HSD17B13: variants seen among roughly 807,000 people sequenced by gnomAD.
HSD17B13 encodes hydroxysteroid 17-beta dehydrogenase 13, also known as 17-beta-hydroxysteroid dehydrogenase 13.
A neutral mutation model predicts 31.1 loss-of-function variants in HSD17B13; 26 were observed. That is an observed-to-expected ratio of 0.84 (90% CI 0.61 to 1.16). The LOEUF (loss-of-function observed/expected upper bound fraction) is 1.16. HSD17B13 is among the 50% of genes most tolerant of loss of function. The pLI, the probability that HSD17B13 is intolerant of heterozygous loss-of-function variation, is 0.00. For missense variants in HSD17B13, 374 were observed against 366.5 expected (o/e 1.02, Z -0.17); for synonymous variants, 141 against 133.7 (o/e 1.05, Z -0.38).
Position 87,303,814 on chromosome 4 carries a change from T to G in HSD17B13, c.*1404A>C, listed in dbSNP as rs1414842279. 2 of 152,166 alleles carry G rather than the reference T, an allele frequency of 1.3e-5. No homozygotes were observed. Among genetic ancestry groups the G allele is most frequent in the Non-Finnish European group, 2.9e-5 (2 of 68,026 alleles). The allele number at this position is 152,166 out of a possible 1,614,324, so 9.4% of individuals were successfully genotyped here. ...CAGAGTTTAGAAGTCAAACGTTTTA[T>G]TTTATAACTACAAGAGGTTATTTTT... is the stretch of plus-strand genomic sequence containing the variant. On this transcript the variant is annotated 3_prime_UTR_variant, in exon 7 of 7. Transcript: ENST00000328546.
intron 6 of HSD17B13, among the ~76,000 whole-genome samples, chr4:87,307,715 G>A (rs950013473): frequency 1.3e-5 from 2 of 152,046 alleles, no homozygotes; most frequent in Admixed American, 1.3e-4. Context: ...TGGCCAGGCT[G>A]GTCTCGAATG....
chr4:87,310,568 C>T (rs1734508829), intron 5 of HSD17B13, among the ~76,000 whole-genome samples: 2 of 152,082 alleles, frequency 1.3e-5, no homozygotes, highest in Admixed American at 1.3e-4. Flanking sequence ...CTTTCATATC[C>T]AGTAGGTGTG....
Position 87,304,909 on chromosome 4 carries a change from G to C in HSD17B13, c.*309C>G, listed in dbSNP as rs1318194221. On this transcript the variant is annotated 3_prime_UTR_variant, in exon 7 of 7. Coordinates refer to ENST00000328546, the MANE Select transcript of HSD17B13 (RefSeq NM_178135.5). ...AGTTCTCTTTGTATTTACTTTTAGG[G>C]AGGTAGCTTTTGTCCACCTTTAAAT... 5.0e-6 allele frequency: 1 copy of C among 198,130 alleles called. No individual in the cohort carries two copies. The highest frequency in any genetic ancestry group is 2.3e-5 in the African/African-American group (1 of 43,052). The allele number at this position is 198,130 out of a possible 1,614,324, so 12.3% of individuals were successfully genotyped here.
At chr4:87,306,956 A>G (rs1024073265) in intron 6 of HSD17B13, among the ~76,000 whole-genome samples, 1 of 149,584 alleles carries the variant, frequency 6.7e-6, no homozygotes. Flanking sequence ...TGTGAATGTA[A>G]AGAGGCAGAA....
chr4:87,320,386 T>TG (rs1553956614), intron 1 of HSD17B13, among the ~76,000 whole-genome samples: 10 of 126,092 alleles, frequency 7.9e-5, no homozygotes, highest in Non-Finnish European at 1.4e-4. Context: ...TCTTCAGTTT[T>TG]TTTTTTTTTT....
At chr4:87,314,619 G>GTT (rs1179458734) in intron 4 of HSD17B13, among the ~76,000 whole-genome samples, 1 of 145,234 alleles carries the variant, frequency 6.9e-6, no homozygotes, top group African/African-American at 2.7e-5. Flanking sequence ...AGGTAGAGTC[G>GTT]TTTTCTCTCT....
chr4:87,320,382 G>GTTTTTTTTTTTTTTTTTTT (rs66590696), intron 1 of HSD17B13, among the ~76,000 whole-genome samples: 2 of 101,380 alleles, frequency 2.0e-5, no homozygotes, highest in Non-Finnish European at 3.8e-5. Flanking sequence ...TTATTCTTCA[G>GTTTTTTTTTTTTTTTTTTT]TTTTTTTTTT....
Position 87,307,993 on chromosome 4 carries a change from A to T in HSD17B13, c.812+2250T>A, listed in dbSNP as rs74683212. 5.0e-3 allele frequency among the ~76,000 whole-genome samples: 765 copies of T among 152,298 alleles called. 3 individuals carry two copies. The highest frequency in any genetic ancestry group is 0.023 in the East Asian group (118 of 5,190). On this transcript the variant is annotated intron_variant, in intron 6 of 6. Transcript: ENST00000328546. ...GTTTCAAAAAGGCCCAAGGCTTATG[A>T]AGTTAGTATAGTTATCTTCTCACTG...
rs1248001416 is a variant in HSD17B13 at position 87,304,901 on chromosome 4, CT to C, written c.*316del. 5.3e-6 allele frequency: 1 copy of C among 188,678 alleles called. No individual in the cohort carries two copies. Among genetic ancestry groups the C allele is most frequent in the African/African-American group, 2.3e-5 (1 of 42,656 alleles). The allele number at this position is 188,678 out of a possible 1,614,324, so 11.7% of individuals were successfully genotyped here. ...TGTAAATAAGTTCTCTTTGTATTTACTTTTAGGGAGGTAGCTTTTGTCCACC... is the reference window on the plus strand; with the variant it reads ...TGTAAATAAGTTCTCTTTGTATTTACTTTAGGGAGGTAGCTTTTGTCCACC... On this transcript the variant is annotated 3_prime_UTR_variant, in exon 7 of 7. Transcript: ENST00000328546.
intron 1 of HSD17B13, among the ~76,000 whole-genome samples, chr4:87,319,176 C>T (rs1036044497): frequency 3.3e-5 from 5 of 152,010 alleles, no homozygotes; most frequent in Admixed American, 6.5e-5. Flanking sequence ...AGTGGGACTT[C>T]GTCTCAAAAT....
At chr4:87,311,364 T>C (rs797013835) in intron 5 of HSD17B13, among the ~76,000 whole-genome samples, 108 of 152,300 alleles carry the variant, frequency 7.1e-4, no homozygotes, top group African/African-American at 2.5e-3. Flanking sequence ...CACTGTGGCC[T>C]TGCCCCGAAT....
chr4:87,321,089 A>T (rs1009604061), intron 1 of HSD17B13, among the ~76,000 whole-genome samples: 5 of 152,142 alleles, frequency 3.3e-5, no homozygotes, highest in Non-Finnish European at 7.4e-5. Flanking sequence ...GAGTGCAATG[A>T]TGCCATCATA....
At chr4:87,321,085 A>G (rs1230137322) in intron 1 of HSD17B13, among the ~76,000 whole-genome samples, 1 of 152,106 alleles carries the variant, frequency 6.6e-6, no homozygotes, top group East Asian at 1.9e-4. Context: ...CTTGGAGTGC[A>G]ATGATGCCAT....
At chr4:87,321,057 C>A (rs138429654) in intron 1 of HSD17B13, among the ~76,000 whole-genome samples, 3 of 152,178 alleles carry the variant, frequency 2.0e-5, no homozygotes, top group African/African-American at 7.2e-5. Flanking sequence ...TGAGACAGAG[C>A]CTGGCTCTAT....
intron 3 of HSD17B13, 31 bp downstream of exon 3, chr4:87,317,061 C>T (rs1734665469): frequency 6.2e-7 from 1 of 1,609,026 alleles, no homozygotes; most frequent in Non-Finnish European, 8.5e-7. Flanking sequence ...AGAAGGTGCA[C>T]AAATCAGAAA....
Position 87,322,683 on chromosome 4 carries a change from A to T in HSD17B13, c.159T>A (p.Thr53=). The change falls in exon 1 of 7, where the codon ACT becomes ACA. Residue 53 remains threonine, a synonymous_variant. Coordinates refer to ENST00000328546, the MANE Select transcript of HSD17B13 (RefSeq NM_178135.5). ...TGCTCTGTCGTTTTGCAAATTCATA[A>T]GTAGTCTGCCTGCCTATTCCATGCC... ...GAGHGIGRQT[T]YEFAKRQSIL... 6.2e-7 allele frequency: 1 copy of T among 1,614,196 alleles called. No homozygotes were observed.
rs1474990687 is a variant in HSD17B13, at chr4:87,322,724, G to A, written c.118C>T (p.Leu40Phe). The A allele has an allele frequency of 6.2e-7, 1 of 1,614,052 alleles. No individual in the cohort carries two copies. Among genetic ancestry groups the A allele is most frequent in the Non-Finnish European group, 8.5e-7 (1 of 1,179,966 alleles). ...ATTCCATGCCCAGCTCCAGTAATGAGAACAATCTCCCCAGCCACAGATTTT... is the reference window on the plus strand; with the variant it reads ...ATTCCATGCCCAGCTCCAGTAATGAAAACAATCTCCCCAGCCACAGATTTT... ...RRKSVAGEIV[L>F]ITGAGHGIGR... The change falls in exon 1 of 7, where the codon CTC (leucine) becomes TTC (phenylalanine). Residue 40 changes from leucine to phenylalanine, a missense_variant. Coordinates refer to ENST00000328546, the MANE Select transcript of HSD17B13 (RefSeq NM_178135.5).
chr4:87,322,370 T>C (rs1437867727), intron 1 of HSD17B13, among the ~76,000 whole-genome samples: 1 of 152,196 alleles, frequency 6.6e-6, no homozygotes, highest in Non-Finnish European at 1.5e-5. Flanking sequence ...AATATGTGAC[T>C]TGCCTCATTT....
rs1553956626 is a variant in HSD17B13, at chr4:87,320,392, T to TTG, written c.211-1957_211-1956insCA. The stretch of plus-strand genomic sequence containing the variant: ...ATTAATTATTCTTCAGTTTTTTTTT[T>TTG]TTTTTTTTTTTTGAGACGGAGTCTC... On this transcript the variant is annotated intron_variant, in intron 1 of 6. Coordinates refer to ENST00000328546, the MANE Select transcript of HSD17B13 (RefSeq NM_178135.5). 1.4e-3 allele frequency among the ~76,000 whole-genome samples: 197 copies of TTG among 144,284 alleles called. 4 individuals carry two copies. In the East Asian group the frequency reaches 0.033, roughly 24 times the overall value. 94.7% of individuals were successfully genotyped at this position (144,284 alleles called of 152,430 possible).
Sources: allele counts gnomAD v4.1 joint callset (sites outside exome capture counted in the v4.1 genomes callset), GRCh38; gene constraint gnomAD v4.1.1; transcripts MANE v1.5; gene names NCBI Gene and HGNC (gene_info 2026-07-23, HGNC 2026-07-21).